The following CAPN7 variants were observed in gnomAD, a reference collection of about 807,000 sequenced individuals.
CAPN7 encodes the protein calpain 7, also known as calpain-7.
In CAPN7, 72 loss-of-function variants were observed where a neutral mutation model predicts 115.2. The observed-to-expected ratio is 0.63, with a 90% confidence interval of 0.52 to 0.76. The LOEUF (loss-of-function observed/expected upper bound fraction) is 0.76. Among genes scored for constraint, CAPN7 ranks in the 30% least tolerant of loss-of-function variants. CAPN7 has a pLI of 0.00. For missense variants in CAPN7, 905 were observed against 971.5 expected, an observed-to-expected ratio of 0.93 and a Z score of 0.91; for synonymous variants, 344 against 322.3, an observed-to-expected ratio of 1.07 and a Z score of -0.72.
chr3:15,210,052 G>A (rs1024685832), intron 1 of CAPN7, among the ~76,000 whole-genome samples: 9 of 151,998 alleles, frequency 5.9e-5, no homozygotes, highest in African/African-American at 1.9e-4. Context: ...CCAGGCTGGC[G>A]GGCAGTGGTG....
intron 16 of CAPN7, among the ~76,000 whole-genome samples, chr3:15,243,413 G>C (rs1695468324): frequency 6.6e-6 from 1 of 152,096 alleles, no homozygotes; most frequent in African/African-American, 2.4e-5. Context: ...CTGGGGTAAG[G>C]GTAGAGATAC....
chr3:15,207,594 TACAC>T (rs2044700595), intron 1 of CAPN7, among the ~76,000 whole-genome samples: 1 of 152,062 alleles, frequency 6.6e-6, no homozygotes, highest in Admixed American at 6.5e-5. Context: ...ATTGTGCAGT[TACAC>T]AAACATTTTC....
At chr3:15,240,099 A>G (rs1575230594) in intron 12 of CAPN7, among the ~76,000 whole-genome samples, 2 of 152,248 alleles carry the variant, frequency 1.3e-5, no homozygotes. Context: ...GTACTGTCTA[A>G]TAGAACTCCT....
At chr3:15,207,561 T>C (rs559067288) in intron 1 of CAPN7, among the ~76,000 whole-genome samples, 2 of 152,288 alleles carry the variant, frequency 1.3e-5, no homozygotes, top group African/African-American at 2.4e-5. Context: ...TTTAACTCTT[T>C]TGTAATAGCT....
intron 19 of CAPN7, among the ~76,000 whole-genome samples, chr3:15,249,735 A>G (rs1332934207): frequency 6.6e-6 from 1 of 151,524 alleles, no homozygotes; most frequent in Non-Finnish European, 1.5e-5. Context: ...TTCCTGTCCC[A>G]TAGGCCTTTC....
intron 7 of CAPN7, 57 bp from the exon 8 acceptor site, chr3:15,228,917 C>T (rs982996734): frequency 9.5e-6 from 12 of 1,265,482 alleles, no homozygotes; most frequent in Admixed American, 5.3e-5. Flanking sequence ...ACGTATATTG[C>T]GGTAATGTTG....
At chr3:15,212,742 A>C (rs2045026751) in intron 2 of CAPN7, among the ~76,000 whole-genome samples, 1 of 152,228 alleles carries the variant, frequency 6.6e-6, no homozygotes, top group Admixed American at 6.5e-5. Flanking sequence ...CAGGTACAAT[A>C]ATAGAAATAT....
At chr3:15,228,735 G>A (rs1052564092) in intron 7 of CAPN7, among the ~76,000 whole-genome samples, 14 of 152,022 alleles carry the variant, frequency 9.2e-5, no homozygotes, top group Non-Finnish European at 1.3e-4. Context: ...GGAGAGGAGC[G>A]GAAAAAATAA....
At chr3:15,215,394 T>G (rs1456236042) in intron 2 of CAPN7, among the ~76,000 whole-genome samples, 1 of 152,224 alleles carries the variant, frequency 6.6e-6, no homozygotes, top group Non-Finnish European at 1.5e-5. Context: ...ATAATTCAGG[T>G]GTTTTTAGCC....
At chr3:15,210,550 C>T (rs1253742778) in intron 1 of CAPN7, among the ~76,000 whole-genome samples, 1 of 148,448 alleles carries the variant, frequency 6.7e-6, no homozygotes, top group Non-Finnish European at 1.5e-5. Flanking sequence ...GCTGAATTTT[C>T]ATTGTAGTCA....
At chr3:15,221,923 C>CA (rs1427137163) in intron 5 of CAPN7, among the ~76,000 whole-genome samples, 1 of 151,714 alleles carries the variant, frequency 6.6e-6, no homozygotes, top group Non-Finnish European at 1.5e-5. Flanking sequence ...CACTGCTCTC[C>CA]AGCTTGGGCA....
chr3:15,227,737 A>G (rs1394945130), intron 6 of CAPN7, 102 bp from the exon 7 acceptor site: 3 of 655,142 alleles, frequency 4.6e-6, no homozygotes, highest in East Asian at 3.2e-5. Context: ...CAGTACTGCT[A>G]TAATCACTAG....
At chr3:15,206,702 T>C (rs2044645342) in intron 1 of CAPN7, 105 bp downstream of exon 1, 1 of 832,074 alleles carries the variant, frequency 1.2e-6, no homozygotes, top group Admixed American at 2.8e-5. Context: ...GGCCCCGGCT[T>C]TGCTTTTCCC....
chr3:15,250,675 AAAAAT>A (rs1695953911), intron 19 of CAPN7, among the ~76,000 whole-genome samples: 1 of 152,218 alleles, frequency 6.6e-6, no homozygotes, highest in African/African-American at 2.4e-5. Flanking sequence ...CTGTCTCAAA[AAAAAT>A]AAAATATTTC....
At position 15,220,829 on chromosome 3, in the gene CAPN7, T is replaced by C. The variant is rs1258286880; in HGVS notation, c.486T>C (p.Ser162=). ...EPLTKPVGKI[S]STSVKPKPPP... ...TGACCAAGCCAGTTGGCAAAATCAG[T>C]TCAACAAGTGTTAAGCCAAAGCCAC... is the stretch of plus-strand genomic sequence containing the variant. The change falls in exon 5 of 21, where the codon AGT becomes AGC. Residue 162 remains serine, a synonymous_variant. Coordinates refer to ENST00000253693, the MANE Select transcript of CAPN7 (RefSeq NM_014296.3). 1 of 1,614,182 alleles carries C rather than the reference T, an allele frequency of 6.2e-7. No individual in the cohort carries two copies. Among genetic ancestry groups the C allele is most frequent in the South Asian group, 1.1e-5 (1 of 91,084 alleles).
rs769083445 is a variant in CAPN7, at chr3:15,218,425, T to A, written c.370-48T>A. 3 of 1,432,618 alleles carry A rather than the reference T, an allele frequency of 2.1e-6. No individual in the cohort carries two copies. In the Admixed American group the frequency reaches 5.4e-5, roughly 26 times the overall value. The allele number at this position is 1,432,618 out of a possible 1,614,324, so 88.7% of individuals were successfully genotyped here. A position where few individuals can be genotyped will look rare whatever the true frequency, so the allele number is the denominator to read the frequency against. ...GCTTAGAAATATGGATCAAGCAAATTGAAAAATAATTATGCTTTAAAATGT... is the reference window on the plus strand; with the variant it reads ...GCTTAGAAATATGGATCAAGCAAATAGAAAAATAATTATGCTTTAAAATGT... On this transcript the variant is annotated intron_variant, in intron 3 of 20. Transcript: ENST00000253693.
chr3:15,215,922 C>T (rs895348648), intron 2 of CAPN7, among the ~76,000 whole-genome samples: 1 of 152,260 alleles, frequency 6.6e-6, no homozygotes, highest in South Asian at 2.1e-4. Context: ...CCCGTCTCTA[C>T]TAAAAATACA....
At chr3:15,237,031 T>C (rs1695032496) in intron 12 of CAPN7, among the ~76,000 whole-genome samples, 1 of 152,244 alleles carries the variant, frequency 6.6e-6, no homozygotes, top group Admixed American at 6.5e-5. Flanking sequence ...GTGGTGGTTG[T>C]ATACCAACTT....
chr3:15,232,717 C>G, intron 10 of CAPN7, 52 bp downstream of exon 10: 1 of 1,460,760 alleles, frequency 6.8e-7, no homozygotes, highest in Non-Finnish European at 9.1e-7. Context: ...TCTAATATAA[C>G]TGTTTTAAAT....
Sources: allele counts gnomAD v4.1 joint callset (sites outside exome capture counted in the v4.1 genomes callset), GRCh38; gene constraint gnomAD v4.1.1; transcripts MANE v1.5; gene names NCBI Gene and HGNC (gene_info 2026-07-23, HGNC 2026-07-21).